Variants in GNAQ observed in about 807,000 individuals in gnomAD.
The protein encoded by GNAQ is G protein subunit alpha q, also known as guanine nucleotide-binding protein G(q) subunit alpha.
In GNAQ, 8 loss-of-function variants were observed where a neutral mutation model predicts 43.9. That is an observed-to-expected ratio of 0.18 (90% CI 0.11 to 0.33). GNAQ has a LOEUF of 0.33. Among genes scored for constraint, GNAQ ranks in the 10% least tolerant of loss-of-function variants. The probability of loss-of-function intolerance (pLI) is 1.00; values close to 1 mark genes in which losing one functional copy is unlikely to be tolerated. For missense variants in GNAQ, 158 were observed against 450.8 expected (o/e 0.35, Z 5.88); for synonymous variants, 155 against 170.7 (o/e 0.91, Z 0.71).
intron 1 of GNAQ, among the ~76,000 whole-genome samples, chr9:77,978,830 G>T (rs959631049): frequency 6.6e-6 from 1 of 152,042 alleles, no homozygotes; most frequent in Non-Finnish European, 1.5e-5. Context: ...GAGGCGAGGC[G>T]AGTGGATCAA....
At chr9:77,758,408 G>A (rs1825937353) in intron 5 of GNAQ, among the ~76,000 whole-genome samples, 3 of 152,082 alleles carry the variant, frequency 2.0e-5, no homozygotes. Context: ...GTATTAATAA[G>A]AAAAACTAGA....
At chr9:77,944,480 T>C (rs545639456) in intron 1 of GNAQ, among the ~76,000 whole-genome samples, 30 of 152,186 alleles carry the variant, frequency 2.0e-4, no homozygotes, top group African/African-American at 5.8e-4. Flanking sequence ...AACCAAACCA[T>C]TCCTATTCCC....
At chr9:77,808,600 A>C (rs1426871515) in intron 3 of GNAQ, among the ~76,000 whole-genome samples, 1 of 152,080 alleles carries the variant, frequency 6.6e-6, no homozygotes, top group African/African-American at 2.4e-5. Flanking sequence ...GGTAAATTTT[A>C]AGGTGCCAGG....
At chr9:77,799,528 G>A (rs1416253915) in intron 3 of GNAQ, among the ~76,000 whole-genome samples, 4 of 152,050 alleles carry the variant, frequency 2.6e-5, no homozygotes, top group Non-Finnish European at 5.9e-5. Flanking sequence ...TTTAGTTTTA[G>A]CATTATTTAA....
At chr9:77,827,128 T>G (rs971130601) in intron 2 of GNAQ, among the ~76,000 whole-genome samples, 1 of 152,146 alleles carries the variant, frequency 6.6e-6, no homozygotes, top group South Asian at 2.1e-4. Context: ...GAAAAGGTTT[T>G]TTTTTCTCTC....
At chr9:77,803,033 G>A (rs1310504347) in intron 3 of GNAQ, among the ~76,000 whole-genome samples, 2 of 151,984 alleles carry the variant, frequency 1.3e-5, no homozygotes, top group Non-Finnish European at 2.9e-5. Context: ...CTTTGTCCAC[G>A]GCTATATCAA....
chr9:77,998,108 A>G (rs1266789980), intron 1 of GNAQ, among the ~76,000 whole-genome samples: 2 of 152,188 alleles, frequency 1.3e-5, no homozygotes, highest in Non-Finnish European at 2.9e-5. Context: ...GCCCAGGACC[A>G]GAGCACCAAG....
At chr9:77,844,017 G>T (rs1490076104) in intron 2 of GNAQ, among the ~76,000 whole-genome samples, 1 of 152,130 alleles carries the variant, frequency 6.6e-6, no homozygotes, top group Non-Finnish European at 1.5e-5. Flanking sequence ...TTACTCTAAT[G>T]CAATCTGCCA....
chr9:77,827,899 A>G (rs1249226919), intron 2 of GNAQ, among the ~76,000 whole-genome samples: 1 of 151,534 alleles, frequency 6.6e-6, no homozygotes, highest in Non-Finnish European at 1.5e-5. Context: ...TCTCTACTAA[A>G]AATACAAAAA....
intron 2 of GNAQ, among the ~76,000 whole-genome samples, chr9:77,862,202 T>C (rs1017409943): frequency 6.6e-6 from 1 of 151,858 alleles, no homozygotes; most frequent in African/African-American, 2.4e-5. Flanking sequence ...GGAGGATCTC[T>C]TGTCACTCCA....
At chr9:77,954,824 C>T (rs181956073) in intron 1 of GNAQ, among the ~76,000 whole-genome samples, 34 of 152,254 alleles carry the variant, frequency 2.2e-4, no homozygotes, top group African/African-American at 5.3e-4. Context: ...GCTGACAAAA[C>T]GTCACCAGTC....
At chr9:77,832,365 C>T (rs539390459) in intron 2 of GNAQ, among the ~76,000 whole-genome samples, 4 of 152,068 alleles carry the variant, frequency 2.6e-5, no homozygotes, top group Non-Finnish European at 2.9e-5. Context: ...AGTAGATATC[C>T]GGCTCTGCAG....
intron 5 of GNAQ, among the ~76,000 whole-genome samples, chr9:77,750,580 A>C (rs1386145747): frequency 2.0e-5 from 3 of 152,080 alleles, no homozygotes; most frequent in Non-Finnish European, 4.4e-5. Context: ...CACAGCTCAA[A>C]CTTCCTGAAT....
intron 1 of GNAQ, among the ~76,000 whole-genome samples, chr9:77,999,092 CAAAAAAAAAAAA>C (rs56358201): frequency 1.9e-4 from 10 of 52,590 alleles, no homozygotes; most frequent in East Asian, 8.7e-4. Context: ...AACTCTGTCT[CAAAAAAAAAAAA>C]AAAAAAAAAA....
intron 1 of GNAQ, among the ~76,000 whole-genome samples, chr9:78,007,520 A>G (rs1484105154): frequency 6.6e-6 from 1 of 152,196 alleles, no homozygotes; most frequent in African/African-American, 2.4e-5. Flanking sequence ...ACATACAAAG[A>G]AGGCTGAAAA....
intron 2 of GNAQ, among the ~76,000 whole-genome samples, chr9:77,904,219 C>A (rs1828664442): frequency 6.7e-6 from 1 of 149,338 alleles, no homozygotes; most frequent in Admixed American, 6.7e-5. Context: ...CATACTTACA[C>A]TTTTAGTTTA....
rs1356354255 is a variant in GNAQ at position 77,717,363 on chromosome 9, G to GTT, written c.*3959_*3960insAA. ...TTTGGGTACACTTTATTTTTATATG[G>GTT]GTTAACATTCTGCTATATTTCATTT... On this transcript the variant is annotated 3_prime_UTR_variant, in exon 7 of 7. Coordinates refer to ENST00000286548, the MANE Select transcript of GNAQ (RefSeq NM_002072.5). 1 of 232,042 alleles carries GTT rather than the reference G, an allele frequency of 4.3e-6. No homozygotes were observed. Among genetic ancestry groups the GTT allele is most frequent in the African/African-American group, 2.2e-5 (1 of 45,196 alleles). The allele number at this position is 232,042 out of a possible 1,614,324, so 14.4% of individuals were successfully genotyped here.
chr9:77,882,910 C>T (rs1210867192), intron 2 of GNAQ, among the ~76,000 whole-genome samples: 2 of 152,116 alleles, frequency 1.3e-5, no homozygotes, highest in Non-Finnish European at 2.9e-5. Flanking sequence ...AACTTATTCT[C>T]ATGATTTCCA....
intron 5 of GNAQ, among the ~76,000 whole-genome samples, chr9:77,747,182 A>G (rs928505455): frequency 2.6e-5 from 4 of 152,156 alleles, no homozygotes; most frequent in Non-Finnish European, 5.9e-5. Flanking sequence ...AATAATGAAC[A>G]TATATTACCT....
Sources: gnomAD v4.1 joint callset for allele counts (sites outside exome capture counted in the v4.1 genomes callset) on GRCh38, gnomAD v4.1.1 for gene constraint, MANE v1.5 for transcripts, NCBI Gene and HGNC (gene_info 2026-07-23, HGNC 2026-07-21) for gene names.